DNAH7: variants seen among roughly 807,000 people sequenced by gnomAD.
The protein encoded by DNAH7 is dynein axonemal heavy chain 7.
Under a neutral mutation model 444.6 loss-of-function variants are expected in DNAH7, and 397 were observed. That is an observed-to-expected ratio of 0.89 (90% CI 0.82 to 0.97). The LOEUF (loss-of-function observed/expected upper bound fraction) is 0.97. Ranked by LOEUF, DNAH7 falls within the 50% of genes least tolerant of loss-of-function variation. DNAH7 has a pLI of 0.00. For missense variants in DNAH7, 4,902 were observed against 4,800.8 expected (o/e 1.02, Z -0.62); for synonymous variants, 1,636 against 1,624.4 (o/e 1.01, Z -0.17).
rs180927624 is a variant in DNAH7, at chr2:195,980,163, G to A, written c.1833+4469C>T. ...GAATTGTAGCTCCCATAATCGCCAT[G>A]TGTCATGGGAGGGACCCGGTGGGAG... On this transcript the variant is annotated intron_variant, in intron 15 of 64. Coordinates refer to ENST00000312428, the MANE Select transcript of DNAH7 (RefSeq NM_018897.3). 2.5e-3 allele frequency among the ~76,000 whole-genome samples: 384 copies of A among 151,486 alleles called. 2 individuals carry two copies. The highest frequency in any genetic ancestry group is 1.9e-3 in the Non-Finnish European group (129 of 67,908).
At chr2:195,972,181 C>T in intron 16 of DNAH7, 61 bp downstream of exon 16, 2 of 1,382,956 alleles carry the variant, frequency 1.4e-6, no homozygotes, top group Non-Finnish European at 1.0e-6. Flanking sequence ...GACAATGCTA[C>T]ATAAAAAGAT....
intron 63 of DNAH7, among the ~76,000 whole-genome samples, chr2:195,747,963 T>C (rs1194722718): frequency 1.3e-5 from 2 of 152,150 alleles, no homozygotes; most frequent in African/African-American, 2.4e-5. Context: ...GTATTCAACA[T>C]AGTGTTGGAA....
chr2:195,873,073 T>C (rs937670597), intron 39 of DNAH7, among the ~76,000 whole-genome samples: 3 of 152,186 alleles, frequency 2.0e-5, no homozygotes, highest in Non-Finnish European at 2.9e-5. Context: ...TACTCCATCA[T>C]CACTGGATAA....
At chr2:195,985,643 G>A (rs1056517833) in intron 14 of DNAH7, among the ~76,000 whole-genome samples, 2 of 152,108 alleles carry the variant, frequency 1.3e-5, no homozygotes, top group African/African-American at 4.8e-5. Flanking sequence ...GTCCATCCTA[G>A]GGAGTCTGGT....
intron 22 of DNAH7, among the ~76,000 whole-genome samples, chr2:195,926,143 G>A (rs1169233948): frequency 2.6e-5 from 4 of 151,822 alleles, no homozygotes; most frequent in African/African-American, 9.7e-5. Flanking sequence ...TATTTTTAAA[G>A]GCATAAAATG....
intron 10 of DNAH7, among the ~76,000 whole-genome samples, chr2:196,011,448 A>T (rs1694722550): frequency 6.6e-6 from 1 of 152,134 alleles, no homozygotes; most frequent in Non-Finnish European, 1.5e-5. Context: ...AATAATAAGT[A>T]AAGCCAGAAA....
intron 54 of DNAH7, among the ~76,000 whole-genome samples, chr2:195,803,995 T>C (rs1696592927): frequency 6.6e-6 from 1 of 152,162 alleles, no homozygotes; most frequent in African/African-American, 2.4e-5. Context: ...ACTGGAGCGT[T>C]AGAGGGCCTG....
intron 63 of DNAH7, among the ~76,000 whole-genome samples, chr2:195,748,395 A>T (rs1052696114): frequency 2.6e-5 from 4 of 152,254 alleles, no homozygotes; most frequent in African/African-American, 9.6e-5. Context: ...AATATCGTGA[A>T]AATGGCTGTA....
intron 9 of DNAH7, among the ~76,000 whole-genome samples, chr2:196,013,909 C>T (rs1288315736): frequency 6.6e-6 from 1 of 152,210 alleles, no homozygotes; most frequent in Non-Finnish European, 1.5e-5. Flanking sequence ...TGAGATAGCA[C>T]TGAATAAGTA....
chr2:195,749,068 A>G (rs1175013309), intron 63 of DNAH7, among the ~76,000 whole-genome samples: 1 of 151,850 alleles, frequency 6.6e-6, no homozygotes, highest in Non-Finnish European at 1.5e-5. Context: ...ATGGGAGAAA[A>G]TTTTCGCAAC....
At chr2:195,862,670 C>G (rs369984503) in intron 41 of DNAH7, among the ~76,000 whole-genome samples, 30 of 152,270 alleles carry the variant, frequency 2.0e-4, no homozygotes, top group African/African-American at 7.0e-4. Context: ...AGACACTTGA[C>G]TTCACTAGTT....
intron 52 of DNAH7, among the ~76,000 whole-genome samples, chr2:195,809,254 A>G (rs1696848247): frequency 1.3e-5 from 2 of 152,246 alleles, no homozygotes; most frequent in Admixed American, 6.5e-5. Context: ...ACTATTTTCC[A>G]TAAAGTATAA....
chr2:196,051,094 A>C, intron 3 of DNAH7, 93 bp downstream of exon 3: 3 of 1,088,740 alleles, frequency 2.8e-6, no homozygotes, highest in Non-Finnish European at 1.4e-6. Flanking sequence ...AATCAAATGG[A>C]GCAGGAATTT....
intron 17 of DNAH7, among the ~76,000 whole-genome samples, chr2:195,969,657 G>T (rs187261149): frequency 6.6e-6 from 1 of 152,274 alleles, no homozygotes; most frequent in African/African-American, 2.4e-5. Flanking sequence ...AACTATCATA[G>T]TAGAACTATG....
At chr2:195,858,189 G>A (rs1373980436) in intron 43 of DNAH7, among the ~76,000 whole-genome samples, 1 of 152,146 alleles carries the variant, frequency 6.6e-6, no homozygotes, top group East Asian at 1.9e-4. Flanking sequence ...TTATGTCTTT[G>A]TTGATTACTG....
At chr2:196,059,732 TTCAGGA>T (rs1461860569) in intron 1 of DNAH7, among the ~76,000 whole-genome samples, 1 of 152,070 alleles carries the variant, frequency 6.6e-6, no homozygotes, top group Non-Finnish European at 1.5e-5. Context: ...CTTGCAAACT[TTCAGGA>T]TCCCAGCAGG....
intron 19 of DNAH7, among the ~76,000 whole-genome samples, chr2:195,951,936 G>A (rs573624723): frequency 2.6e-4 from 40 of 152,214 alleles, no homozygotes; most frequent in African/African-American, 8.4e-4. Context: ...TTACATTTAA[G>A]GTTAATATAG....
At chr2:196,008,269 A>G (rs1694507068) in intron 10 of DNAH7, among the ~76,000 whole-genome samples, 3 of 152,128 alleles carry the variant, frequency 2.0e-5, no homozygotes, top group African/African-American at 7.2e-5. Context: ...CTACAAGCAG[A>G]AAGATGGACA....
chr2:195,963,430 C>T (rs1559279864), intron 17 of DNAH7, among the ~76,000 whole-genome samples: 1 of 152,172 alleles, frequency 6.6e-6, no homozygotes, highest in African/African-American at 2.4e-5. Context: ...TGTCTCTTCA[C>T]ATCTTTTGCC....
Sources: allele counts gnomAD v4.1 joint callset (sites outside exome capture counted in the v4.1 genomes callset), GRCh38; gene constraint gnomAD v4.1.1; transcripts MANE v1.5; gene names NCBI Gene and HGNC (gene_info 2026-07-23, HGNC 2026-07-21).